PRR4: variants seen among roughly 807,000 people sequenced by gnomAD.
PRR4 encodes the protein proline-rich protein 4.
PRR4 carries 7 observed loss-of-function variants against 7.6 expected under a neutral mutation model. That is an observed-to-expected ratio of 0.92 (90% CI 0.52 to 1.73). PRR4 has a LOEUF of 1.73. Ranked by LOEUF, PRR4 falls within the 40% of genes most tolerant of loss-of-function variation. The pLI is 0.00. For missense variants in PRR4, 187 were observed against 161.0 expected, an observed-to-expected ratio of 1.16 and a Z score of -0.87; for synonymous variants, 64 against 58.5, an observed-to-expected ratio of 1.09 and a Z score of -0.43.
At position 10,847,211 on chromosome 12, in the gene PRR4, G is replaced by C; in HGVS notation, c.257C>G (p.Pro86Arg). ...TGGTCGTTGCTGATTTTGAAAAGGA[G>C]GTGGGGGAGGATGGCGGTGATGGCC... is the stretch of plus-strand genomic sequence containing the variant. ...PGGHHRHPPP[P>R]PFQNQQRPPR... is the part of the protein sequence containing the mutation. The change falls in exon 3 of 4, where the codon CCT becomes CGT. Residue 86 changes from proline to arginine, a missense_variant. Pro to Arg is a moderately radical substitution (Grantham distance 103). Coordinates refer to ENST00000228811, the MANE Select transcript of PRR4 (RefSeq NM_007244.3). 6.2e-7 allele frequency: 1 copy of C among 1,613,866 alleles called. No individual in the cohort carries two copies. The highest frequency in any genetic ancestry group is 1.3e-5 in the African/African-American group (1 of 75,000).
At chr12:10,848,557 G>A (rs1949053963) in intron 1 of PRR4, 150 bp from the exon 2 acceptor site, 1 of 623,328 alleles carries the variant, frequency 1.6e-6, no homozygotes, top group African/African-American at 1.9e-5. Flanking sequence ...GCTGGAAGGG[G>A]AGGAAGATGT....
At position 10,845,917 on chromosome 12, in the gene PRR4, G is replaced by A. The variant is rs1309163788; in HGVS notation, c.*52C>T. The A allele has an allele frequency of 7.6e-7, 1 of 1,323,746 alleles. No individual in the cohort carries two copies. Among genetic ancestry groups the A allele is most frequent in the East Asian group, 2.6e-5 (1 of 38,120 alleles). The allele number at this position is 1,323,746 out of a possible 1,614,324, so 82.0% of individuals were successfully genotyped here. On this transcript the variant is annotated 3_prime_UTR_variant, in exon 4 of 4. Transcript: ENST00000228811. ...ATGACCACATTATTTCAATGTCATG[G>A]CTTTCTGAAGGAAGTTATCTTCTTA...
chr12:10,849,378 A>G lies in PRR4; in HGVS notation c.60T>C (p.Asp20=), dbSNP rs767570416. 2 of 1,593,376 alleles carry G rather than the reference A, an allele frequency of 1.3e-6. No homozygotes were observed. The highest frequency in any genetic ancestry group is 1.7e-6 in the Non-Finnish European group (2 of 1,171,256). ...TTAAAAAAATAATTTTTTTACCATT[A>G]TCTGTGCTCTGAGCTGAGCTCAGAG... The part of the protein sequence containing the change: ...LLALSSAQST[D]NDVNYEDFTF... Residue 20 remains aspartate (D), a synonymous_variant, in exon 1 of 4, where the codon GAT becomes GAC. Coordinates refer to ENST00000228811, the MANE Select transcript of PRR4 (RefSeq NM_007244.3).
Position 10,847,242 on chromosome 12 carries a change from G to A in PRR4, c.226C>T (p.Pro76Ser). 1 of 1,613,854 alleles carries A rather than the reference G, an allele frequency of 6.2e-7. No homozygotes were observed. Among genetic ancestry groups the A allele is most frequent in the Non-Finnish European group, 8.5e-7 (1 of 1,179,886 alleles). Residue 76 changes from proline (P) to serine (S), a missense_variant, in exon 3 of 4, where the codon CCA becomes TCA. By Grantham distance (74) the Pro-to-Ser change is moderately conservative. Transcript: ENST00000228811. The part of the protein sequence containing the change: ...DDGPQQRPPK[P>S]GGHHRHPPPP... ...GGAGGATGGCGGTGATGGCCTCCTG[G>A]TTTTGGTGGTCTCTGCTGAGGACCA...
At position 10,847,165 on chromosome 12, in the gene PRR4, T is replaced by C; in HGVS notation, c.303A>G (p.Gln101=). ...CAGAAGGAAATCGGGGTAGAGAGAGTTGACGGTGTCCTCGTCGGGGTGGTC... is the reference window on the plus strand; with the variant it reads ...CAGAAGGAAATCGGGGTAGAGAGAGCTGACGGTGTCCTCGTCGGGGTGGTC... The part of the protein sequence containing the change: ...QQRPPRRGHR[Q]LSLPRFPSVS... Residue 101 remains glutamine (Q), a synonymous_variant, in exon 3 of 4, where the codon CAA becomes CAG. Transcript: ENST00000228811. 1 of 1,613,564 alleles carries C rather than the reference T, an allele frequency of 6.2e-7. No individual in the cohort carries two copies. The highest frequency in any genetic ancestry group is 8.5e-7 in the Non-Finnish European group (1 of 1,179,810).
In PRR4 at chr12:10,849,372, A is replaced by G. The variant is rs774313938; in HGVS notation, c.64+2T>C. 18 of 1,589,506 alleles carry G rather than the reference A, an allele frequency of 1.1e-5. No homozygotes were observed. The African/African-American group carries it at 2.3e-4, about 20-fold the overall frequency. ...CCTTTTTTAAAAAAATAATTTTTTT[A>G]CCATTATCTGTGCTCTGAGCTGAGC... On this transcript the variant is annotated splice_donor_variant, in intron 1 of 3. Transcript: ENST00000228811. LOFTEE classifies it high-confidence loss of function.
chr12:10,849,354 T>A lies in PRR4; in HGVS notation c.64+20A>T, dbSNP rs1949065989. 3 of 1,558,064 alleles carry A rather than the reference T, an allele frequency of 1.9e-6. No homozygotes were observed. Among genetic ancestry groups the A allele is most frequent in the East Asian group, 4.7e-5 (2 of 42,978 alleles). ...TCATCCCACTCCCCATCTCCTTTTTTAAAAAAATAATTTTTTTACCATTAT... is the reference window on the plus strand; with the variant it reads ...TCATCCCACTCCCCATCTCCTTTTTAAAAAAAATAATTTTTTTACCATTAT... On this transcript the variant is annotated intron_variant, in intron 1 of 3. Coordinates refer to ENST00000228811, the MANE Select transcript of PRR4 (RefSeq NM_007244.3).
intron 3 of PRR4, among the ~76,000 whole-genome samples, chr12:10,846,490 G>A (rs565595128): frequency 6.2e-4 from 94 of 152,208 alleles, no homozygotes; most frequent in African/African-American, 1.9e-3. Flanking sequence ...AGGATAAGGC[G>A]TCACTTTAAG....
intron 1 of PRR4, chr12:10,848,664 C>T: frequency 5.1e-6 from 2 of 390,788 alleles, no homozygotes; most frequent in Non-Finnish European, 9.0e-6. Context: ...AACCCTAATG[C>T]TAATTTAGGC....
rs1291996159 is a variant in PRR4 at position 10,848,413 on chromosome 12, A to C, written c.65-6T>G. On this transcript the variant is annotated splice_region_variant and splice_polypyrimidine_tract_variant and intron_variant, in intron 1 of 3. Transcript: ENST00000228811. ...AAAGTCTTCATAGTTCACATCTAGG[A>C]AAAGAAGCACAGGATGAAGTGAACA... 2 of 1,611,024 alleles carry C rather than the reference A, an allele frequency of 1.2e-6. No homozygotes were observed. Among genetic ancestry groups the C allele is most frequent in the East Asian group, 2.2e-5 (1 of 44,842 alleles).
rs753923856 is a variant in PRR4 at position 10,849,409 on chromosome 12, A to C, written c.29T>G (p.Leu10Arg). The C allele has an allele frequency of 6.2e-7, 1 of 1,609,106 alleles. No homozygotes were observed. The highest frequency in any genetic ancestry group is 8.5e-7 in the Non-Finnish European group (1 of 1,177,934). The change falls in exon 1 of 4, where the codon CTT becomes CGT. Residue 10 changes from leucine (L) to arginine (R), a missense_variant. Transcript: ENST00000228811. ...GCTCTGAGCTGAGCTCAGAGCCAGAAGGACCACTGAGAGCAGGACCAGCAG... is the reference window on the plus strand; with the variant it reads ...GCTCTGAGCTGAGCTCAGAGCCAGACGGACCACTGAGAGCAGGACCAGCAG... The part of the protein sequence containing the change: MLLVLLSVV[L>R]LALSSAQSTD...
rs71434160 is a variant in PRR4, at chr12:10,845,957, C to CA, written c.*19-8dup. On this transcript the variant is annotated splice_region_variant and splice_polypyrimidine_tract_variant and intron_variant, in intron 3 of 3. Transcript: ENST00000228811. ...TTATCTTCTTATTTATTTTCTGAAA[C>CA]AAAAAAAAAAACCAAGGAAATTTAT... The CA allele has an allele frequency of 0.1, 87,141 of 831,236 alleles. 455 individuals are homozygous for CA. The highest frequency in any genetic ancestry group is 0.18 in the African/African-American group (9,680 of 55,036). The allele number at this position is 831,236 out of a possible 1,614,324, so 51.5% of individuals were successfully genotyped here.
In PRR4 at chr12:10,847,243, T is replaced by C; in HGVS notation, c.225A>G (p.Lys75=). 1 of 1,613,646 alleles carries C rather than the reference T, an allele frequency of 6.2e-7. No homozygotes were observed. The highest frequency in any genetic ancestry group is 8.5e-7 in the Non-Finnish European group (1 of 1,179,778). ...GAGGATGGCGGTGATGGCCTCCTGG[T>C]TTTGGTGGTCTCTGCTGAGGACCAT... ...QDDGPQQRPP[K]PGGHHRHPPP... The change falls in exon 3 of 4, where the codon AAA becomes AAG. Residue 75 remains lysine, a synonymous_variant. Transcript: ENST00000228811.
rs1949053263 is a variant in PRR4, at chr12:10,848,509, T to C, written c.65-102A>G. 4.7e-6 allele frequency: 5 copies of C among 1,056,896 alleles called. No homozygotes were observed. The Admixed American group carries it at 9.4e-5, about 20-fold the overall frequency. 65.5% of individuals were successfully genotyped at this position (1,056,896 alleles called of 1,614,324 possible). On this transcript the variant is annotated intron_variant, in intron 1 of 3. Transcript: ENST00000228811. Reference sequence around the variant, plus strand: ...GGGTCTTCTGGCCACACCCTGTGCATCCCCTAAGTTACCTCATCAACCATG... The same window carrying C: ...GGGTCTTCTGGCCACACCCTGTGCACCCCCTAAGTTACCTCATCAACCATG...
chr12:10,845,851 G>T lies in PRR4; in HGVS notation c.*118C>A. On this transcript the variant is annotated 3_prime_UTR_variant, in exon 4 of 4. Transcript: ENST00000228811. ...CAAAGAGAAGCAACAATCAGAAATT[G>T]CATGCTATTAATATTTTATTGGTAT... The T allele has an allele frequency of 1.1e-6, 1 of 934,252 alleles. No individual in the cohort carries two copies. Among genetic ancestry groups the T allele is most frequent in the Non-Finnish European group, 1.4e-6 (1 of 701,810 alleles). The allele number at this position is 934,252 out of a possible 1,614,324, so 57.9% of individuals were successfully genotyped here. A position where few individuals can be genotyped will look rare whatever the true frequency, so the allele number is the denominator to read the frequency against.
chr12:10,846,996 G>A (rs754461643), intron 3 of PRR4, 49 bp downstream of exon 3: 1 of 1,424,994 alleles, frequency 7.0e-7, no homozygotes, highest in Admixed American at 2.2e-5. Context: ...ATAAAGTTTG[G>A]GAATGGTAGC....
In PRR4 at chr12:10,849,419, A is replaced by G; in HGVS notation, c.19T>C (p.Ser7Pro). 1 of 1,609,160 alleles carries G rather than the reference A, an allele frequency of 6.2e-7. No individual in the cohort carries two copies. Among genetic ancestry groups the G allele is most frequent in the East Asian group, 2.2e-5 (1 of 44,810 alleles). The change falls in exon 1 of 4, where the codon TCA (serine) becomes CCA (proline). Residue 7 changes from serine to proline, a missense_variant. Transcript: ENST00000228811. ...GAGCTCAGAGCCAGAAGGACCACTG[A>G]GAGCAGGACCAGCAGCATCTTGAAG... MLLVLL[S>P]VVLLALSSAQ...
chr12:10,849,448 G>T lies in PRR4; in HGVS notation c.-11C>A. On this transcript the variant is annotated 5_prime_UTR_variant, in exon 1 of 4. Coordinates refer to ENST00000228811, the MANE Select transcript of PRR4 (RefSeq NM_007244.3). The stretch of plus-strand genomic sequence containing the variant: ...CAGGACCAGCAGCATCTTGAAGGAG[G>T]CTCTGGAGTTGCTCCCAACTCTGCG... The T allele has an allele frequency of 6.3e-7, 1 of 1,596,566 alleles. No individual in the cohort carries two copies. Among genetic ancestry groups the T allele is most frequent in the East Asian group, 2.2e-5 (1 of 44,666 alleles).
intron 1 of PRR4, 67 bp downstream of exon 1, chr12:10,849,307 G>A (rs1565431997): frequency 5.2e-6 from 5 of 970,106 alleles, no homozygotes; most frequent in Non-Finnish European, 7.5e-6. Flanking sequence ...AACCCCTGAG[G>A]CCCTAGAAGA....
Sources: allele counts gnomAD v4.1 joint callset (sites outside exome capture counted in the v4.1 genomes callset), GRCh38; gene constraint gnomAD v4.1.1; transcripts MANE v1.5; gene names NCBI Gene and HGNC (gene_info 2026-07-23, HGNC 2026-07-21).